The following PTGES2 variants were observed in gnomAD, a reference collection of about 807,000 sequenced individuals.
PTGES2 encodes GATE-binding factor 1.
PTGES2 carries 35 observed loss-of-function variants against 44.5 expected under a neutral mutation model. That is an observed-to-expected ratio of 0.79 (90% CI 0.60 to 1.04). The LOEUF is 1.04. PTGES2 is among the 50% of genes least tolerant of loss of function. PTGES2 has a pLI of 0.00. For missense variants in PTGES2, 517 were observed against 521.4 expected, an observed-to-expected ratio of 0.99 and a Z score of 0.08; for synonymous variants, 221 against 227.5, an observed-to-expected ratio of 0.97 and a Z score of 0.26.
rs778433498 is a variant in PTGES2, at chr9:128,127,520, C to A, written c.198G>T (p.Leu66=). ...TGTGGTACAGCCCCAGGGCTCCCCC[C>A]AGGGCCAGCGCCGCAGCTCCCAGCA... ...PRLLGAAALA[L]GGALGLYHTA... is the part of the protein sequence containing the mutation. The change falls in exon 1 of 7, where the codon CTG becomes CTT. Residue 66 remains leucine (L), a synonymous_variant. Coordinates refer to ENST00000338961, the MANE Select transcript of PTGES2 (RefSeq NM_025072.7). 3 of 1,322,172 alleles carry A rather than the reference C, an allele frequency of 2.3e-6. No homozygotes were observed. The highest frequency in any genetic ancestry group is 3.0e-5 in the East Asian group (1 of 32,860). The allele number at this position is 1,322,172 out of a possible 1,614,324, so 81.9% of individuals were successfully genotyped here.
rs1259507667 is a variant in PTGES2, at chr9:128,125,377, T to C, written c.344A>G (p.Lys115Arg). 1.9e-6 allele frequency: 3 copies of C among 1,614,022 alleles called. No individual in the cohort carries two copies. The highest frequency in any genetic ancestry group is 2.5e-6 in the Non-Finnish European group (3 of 1,180,030). The change falls in exon 2 of 7, where the codon AAG becomes AGG. Residue 115 changes from lysine to arginine, a missense_variant. By Grantham distance (26) the Lys-to-Arg change is conservative (BLOSUM62 2). Transcript: ENST00000338961. ...ATGGAAGTCGAGGAAGGCTCGGACCTTGCTGCAGAAGGGACACGTCTTGTA... is the reference window on the plus strand; with the variant it reads ...ATGGAAGTCGAGGAAGGCTCGGACCCTGCTGCAGAAGGGACACGTCTTGTA... ...YQYKTCPFCSKVRAFLDFHAL... is the reference protein window; with the variant it reads ...YQYKTCPFCSRVRAFLDFHAL...
At chr9:128,125,814 C>T (rs1183222567) in intron 1 of PTGES2, among the ~76,000 whole-genome samples, 1 of 152,220 alleles carries the variant, frequency 6.6e-6, no homozygotes, top group African/African-American at 2.4e-5. Flanking sequence ...TTGACTTGTT[C>T]ACTCTCACTC....
intron 1 of PTGES2, among the ~76,000 whole-genome samples, chr9:128,126,370 G>A (rs1470030971): frequency 6.6e-6 from 1 of 152,086 alleles, no homozygotes; most frequent in Non-Finnish European, 1.5e-5. Context: ...CACTTGGGGG[G>A]GGCACCTTTC....
chr9:128,127,081 A>G (rs984021004), intron 1 of PTGES2, among the ~76,000 whole-genome samples: 1 of 149,378 alleles, frequency 6.7e-6, no homozygotes. Flanking sequence ...CGGGAGGCTG[A>G]GGCAGGAGGA....
intron 2 of PTGES2, chr9:128,124,833 A>AC: frequency 7.9e-7 from 1 of 1,266,618 alleles, no homozygotes; most frequent in Non-Finnish European, 1.0e-6. Context: ...TACATACTAG[A>AC]CCCCAAGCAC....
chr9:128,122,764 T>A (rs1249199787), intron 5 of PTGES2, 170 bp downstream of exon 5: 1 of 716,614 alleles, frequency 1.4e-6, no homozygotes, highest in African/African-American at 1.8e-5. Flanking sequence ...GAGCAGGAGC[T>A]CTGGGTCCAA....
upstream of PTGES2, chr9:128,128,265 A>ACCACGTGTCTCTGATTTCGC: frequency 2.2e-6 from 1 of 455,088 alleles, no homozygotes; most frequent in Non-Finnish European, 4.4e-6. Flanking sequence ...GGCCTTGGAA[A>ACCACGTGTCTCTGATTTCGC]CCACGTGTCT....
intron 6 of PTGES2, 54 bp downstream of exon 6, chr9:128,122,308 C>G (rs77605640): frequency 1.1e-5 from 16 of 1,412,258 alleles, no homozygotes; most frequent in Admixed American, 3.5e-5. Flanking sequence ...AAACCTCCCC[C>G]ACTCTGAGGA....
chr9:128,125,041 AC>A (rs1157445201), intron 2 of PTGES2, among the ~76,000 whole-genome samples: 4 of 152,208 alleles, frequency 2.6e-5, no homozygotes, highest in Non-Finnish European at 5.9e-5. Flanking sequence ...CCTCCCTGAG[AC>A]CCAGCAGGTG....
At chr9:128,127,083 G>A (rs1271271319) in intron 1 of PTGES2, among the ~76,000 whole-genome samples, 2 of 150,214 alleles carry the variant, frequency 1.3e-5, no homozygotes, top group African/African-American at 4.9e-5. Flanking sequence ...GGAGGCTGAG[G>A]CAGGAGGATC....
chr9:128,127,393 T>A (rs917041638), intron 1 of PTGES2, 46 bp downstream of exon 1: 1 of 1,322,690 alleles, frequency 7.6e-7, no homozygotes, highest in African/African-American at 1.5e-5. Flanking sequence ...GAGTCCCGAG[T>A]TCGGCGCTGA....
At position 128,121,042 on chromosome 9, in the gene PTGES2, A is replaced by G; in HGVS notation, c.*103T>C. On this transcript the variant is annotated 3_prime_UTR_variant, in exon 7 of 7. Transcript: ENST00000338961. ...TGGGGGTGCGTGGACAAGGGGCAGAATGATCCTGCCCCCAACCAGTATCGC... is the reference window on the plus strand; with the variant it reads ...TGGGGGTGCGTGGACAAGGGGCAGAGTGATCCTGCCCCCAACCAGTATCGC... 1 of 1,444,028 alleles carries G rather than the reference A, an allele frequency of 6.9e-7. No homozygotes were observed. The highest frequency in any genetic ancestry group is 9.4e-7 in the Non-Finnish European group (1 of 1,068,060). 89.5% of individuals were successfully genotyped at this position (1,444,028 alleles called of 1,614,324 possible).
At chr9:128,122,689 A>G in intron 5 of PTGES2, 2 of 627,816 alleles carry the variant, frequency 3.2e-6, no homozygotes, top group Non-Finnish European at 5.5e-6. Flanking sequence ...AAAGCCACAG[A>G]GGAGGCGCCA....
At position 128,123,011 on chromosome 9, in the gene PTGES2, G is replaced by T; in HGVS notation, c.810C>A (p.Phe270Leu). 1 of 1,613,956 alleles carries T rather than the reference G, an allele frequency of 6.2e-7. No individual in the cohort carries two copies. Among genetic ancestry groups the T allele is most frequent in the Non-Finnish European group, 8.5e-7 (1 of 1,180,006 alleles). Residue 270 changes from phenylalanine to leucine, a missense_variant, in exon 5 of 7, where the codon TTC becomes TTA. Transcript: ENST00000338961. This position sits in a 1 kb window ranked among gnomAD's most constrained non-coding sequence, Gnocchi z 4.4. ...SFDYIVREGKFGAVEGAVAKY... is the reference protein window; with the variant it reads ...SFDYIVREGKLGAVEGAVAKY... ...TGGCCACGGCACCCTCCACGGCTCC[G>T]AACTTGCCCTCGCGGACAATGTAGT...
At chr9:128,121,325 A>C (rs745465515) in intron 6 of PTGES2, 52 bp from the exon 7 acceptor site, 6 of 1,569,368 alleles carry the variant, frequency 3.8e-6, no homozygotes, top group East Asian at 2.3e-5. Context: ...AGGCATCCAG[A>C]CCTCCTTCGT....
intron 1 of PTGES2, among the ~76,000 whole-genome samples, chr9:128,125,989 C>T (rs1282053029): frequency 2.6e-5 from 4 of 152,222 alleles, no homozygotes; most frequent in Non-Finnish European, 5.9e-5. Flanking sequence ...TCACTGCAGC[C>T]TTGAACTCCG....
rs200611671 is a variant in PTGES2, at chr9:128,125,418, C to A, written c.303G>T (p.Gln101His). The A allele has an allele frequency of 1.1e-5, 17 of 1,614,074 alleles. No individual in the cohort carries two copies. Among genetic ancestry groups the A allele is most frequent in the East Asian group, 2.2e-5 (1 of 44,886 alleles). Residue 101 changes from glutamine to histidine, a missense_variant, in exon 2 of 7, where the codon CAG becomes CAT. Physicochemically the swap from Gln to His is conservative, Grantham distance 24 (BLOSUM62 0). Transcript: ENST00000338961. ...AAQLSLSSRL[Q>H]LTLYQYKTCP... ...ACGTCTTGTACTGGTACAGGGTCAGCTGCAGGCGGCTGGACAGGGAGAGCT... is the reference window on the plus strand; with the variant it reads ...ACGTCTTGTACTGGTACAGGGTCAGATGCAGGCGGCTGGACAGGGAGAGCT...
intron 6 of PTGES2, 61 bp from the exon 7 acceptor site, chr9:128,121,334 G>T (rs145904971): frequency 1.3e-6 from 2 of 1,561,502 alleles, no homozygotes; most frequent in Non-Finnish European, 1.7e-6. Context: ...GACCTCCTTC[G>T]TTCCCTGCCA....
upstream of PTGES2, chr9:128,128,030 C>T (rs943264297): frequency 1.3e-5 from 5 of 385,836 alleles, no homozygotes; most frequent in Non-Finnish European, 2.4e-5. Flanking sequence ...GCCTAAAGGG[C>T]GGCGTGGCCG....
Sources: gnomAD v4.1 joint callset for allele counts (sites outside exome capture counted in the v4.1 genomes callset) on GRCh38, gnomAD v4.1.1 for gene constraint, Gnocchi (gnomAD v3.1) non-coding constraint, MANE v1.5 for transcripts, NCBI Gene and HGNC (gene_info 2026-07-23, HGNC 2026-07-21) for gene names.